The following SP100 variants were observed in gnomAD, a reference collection of about 807,000 sequenced individuals.
SP100 encodes the protein SP100 nuclear body protein, also known as nuclear autoantigen Sp-100.
A neutral mutation model predicts 130.0 loss-of-function variants in SP100; 84 were observed. The ratio of observed to expected loss-of-function variants is 0.65; its 90% CI spans 0.54 to 0.77. The LOEUF is 0.77. Ranked by LOEUF, SP100 falls within the 30% of genes least tolerant of loss-of-function variation. The probability of loss-of-function intolerance (pLI) is 0.00; values close to 1 mark genes in which losing one functional copy is unlikely to be tolerated. For synonymous variants in SP100, 331 were observed against 351.7 expected (o/e 0.94, Z 0.66); for missense variants, 978 against 1,052.2 (o/e 0.93, Z 0.97).
chr2:230,497,370 A>G (rs1202970010), intron 18 of SP100, among the ~76,000 whole-genome samples: 1 of 151,252 alleles, frequency 6.6e-6, no homozygotes, highest in African/African-American at 2.4e-5. Flanking sequence ...GCCAGGCCAT[A>G]TAAAGAAAGA....
intron 10 of SP100, 144 bp downstream of exon 10, chr2:230,462,662 G>T: frequency 1.5e-6 from 1 of 662,546 alleles, no homozygotes; most frequent in Non-Finnish European, 2.7e-6. Flanking sequence ...AATTTTACTT[G>T]ACCTTTTTGG....
At chr2:230,433,952 A>T (rs545562240) in intron 2 of SP100, among the ~76,000 whole-genome samples, 1 of 149,968 alleles carries the variant, frequency 6.7e-6, no homozygotes, top group Non-Finnish European at 1.5e-5. Context: ...CTTACTCAAA[A>T]TCTTGTTCTG....
chr2:230,518,878 T>A (rs7585005), intron 24 of SP100, among the ~76,000 whole-genome samples: 61,641 of 151,992 alleles, frequency 0.41, 13,888 homozygotes, highest in South Asian at 0.56. Context: ...AAAGATTTAT[T>A]CAAGTCATGT....
chr2:230,444,074 C>G (rs1258473115), intron 3 of SP100, 104 bp from the exon 4 acceptor site: 4 of 817,220 alleles, frequency 4.9e-6, no homozygotes, highest in Non-Finnish European at 7.5e-6. Flanking sequence ...ATGAAAATAC[C>G]TACGTAGAGA....
chr2:230,471,403 C>T (rs899741796), intron 15 of SP100, among the ~76,000 whole-genome samples: 2 of 152,134 alleles, frequency 1.3e-5, no homozygotes, highest in African/African-American at 2.4e-5. Flanking sequence ...CCCTGGTTTC[C>T]TCGTCACTGT....
chr2:230,545,431 G>A lies in SP100; in HGVS notation c.*2485G>A, dbSNP rs1331020694. Among the ~76,000 whole-genome samples the A allele has an allele frequency of 6.6e-6, 1 of 152,142 alleles. No homozygotes were observed. The highest frequency in any genetic ancestry group is 1.5e-5 in the Non-Finnish European group (1 of 68,026). On this transcript the variant is annotated 3_prime_UTR_variant, in exon 29 of 29. Coordinates refer to ENST00000340126, the MANE Select transcript of SP100 (RefSeq NM_001080391.2). ...CAGACACTAGGGTCTACTTGAGGGT[G>A]GAGGATGGGAAGAGGGAGAGGAGCA...
rs368410167 is a variant in SP100, at chr2:230,429,954, AG to A, written c.107+12290del. 5.9e-5 allele frequency among the ~76,000 whole-genome samples: 9 copies of A among 152,284 alleles called. No homozygotes were observed. In the East Asian group the frequency reaches 9.6e-4, roughly 16 times the overall value. The stretch of plus-strand genomic sequence containing the variant: ...CTGAATTATATGTCAGTAAGTTCAC[AG>A]ATTATTATTTCTTTAGAGTCAGTTA... On this transcript the variant is annotated intron_variant, in intron 2 of 28. Transcript: ENST00000340126.
intron 24 of SP100, among the ~76,000 whole-genome samples, chr2:230,511,696 A>T (rs1200442755): frequency 6.6e-6 from 1 of 152,052 alleles, no homozygotes; most frequent in African/African-American, 2.4e-5. Context: ...TGAAGCCCCT[A>T]TTGCCACTCT....
At chr2:230,527,248 A>G (rs796227690) in intron 24 of SP100, among the ~76,000 whole-genome samples, 11 of 152,342 alleles carry the variant, frequency 7.2e-5, no homozygotes, top group African/African-American at 2.6e-4. Context: ...TCTACAAGCC[A>G]GAAGACAGTG....
At chr2:230,537,958 G>T (rs1304211189) in intron 24 of SP100, 2 of 152,304 alleles carry the variant, frequency 1.3e-5, no homozygotes, top group African/African-American at 4.8e-5. Flanking sequence ...AGAGCCCAAG[G>T]CTGTATATTT....
chr2:230,447,037 C>T, intron 5 of SP100, 135 bp downstream of exon 5: 1 of 591,172 alleles, frequency 1.7e-6, no homozygotes, highest in South Asian at 2.0e-5. Context: ...AGCTTCTAAC[C>T]AGGTGCAGGG....
chr2:230,541,179 C>T (rs1692159150), intron 26 of SP100, 122 bp from the exon 27 acceptor site: 1 of 1,218,984 alleles, frequency 8.2e-7, no homozygotes, highest in Non-Finnish European at 1.2e-6. Flanking sequence ...AAAGAAACTC[C>T]CCATGCCATG....
At chr2:230,495,503 A>G (rs1348818783) in intron 18 of SP100, among the ~76,000 whole-genome samples, 1 of 152,090 alleles carries the variant, frequency 6.6e-6, no homozygotes, top group Admixed American at 6.6e-5. Flanking sequence ...TATTTTTAGT[A>G]AAGACAGGGT....
At chr2:230,426,337 TAAG>T (rs1044637011) in intron 2 of SP100, among the ~76,000 whole-genome samples, 2 of 152,176 alleles carry the variant, frequency 1.3e-5, no homozygotes, top group African/African-American at 4.8e-5. Context: ...CTAAATGGTT[TAAG>T]ATTTTTCTCC....
At chr2:230,449,348 T>C in intron 6 of SP100, 198 bp downstream of exon 6, 1 of 775,550 alleles carries the variant, frequency 1.3e-6, no homozygotes, top group Non-Finnish European at 2.3e-6. Context: ...CCACACCCCT[T>C]AATCACACTT....
intron 2 of SP100, among the ~76,000 whole-genome samples, chr2:230,439,107 T>A (rs1292009028): frequency 6.6e-6 from 1 of 152,176 alleles, no homozygotes; most frequent in Non-Finnish European, 1.5e-5. Flanking sequence ...TAATTAGTGA[T>A]GTTGAGAATT....
At chr2:230,434,929 C>G (rs925300744) in intron 2 of SP100, among the ~76,000 whole-genome samples, 5 of 152,218 alleles carry the variant, frequency 3.3e-5, no homozygotes, top group Non-Finnish European at 7.3e-5. Context: ...GTGTAAGGAT[C>G]TGGCTTTCAC....
At chr2:230,499,227 A>T (rs1025027922) in intron 19 of SP100, among the ~76,000 whole-genome samples, 1 of 151,746 alleles carries the variant, frequency 6.6e-6, no homozygotes, top group Non-Finnish European at 1.5e-5. Context: ...CCTCCACCAC[A>T]TAGAGGCTCT....
chr2:230,540,496 A>G (rs1692128105), intron 25 of SP100, among the ~76,000 whole-genome samples: 1 of 152,106 alleles, frequency 6.6e-6, no homozygotes, highest in South Asian at 2.1e-4. Context: ...TTGTTTTCTG[A>G]TTTTTCTGTG....
Sources: allele counts gnomAD v4.1 joint callset (sites outside exome capture counted in the v4.1 genomes callset), GRCh38; gene constraint gnomAD v4.1.1; transcripts MANE v1.5; gene names NCBI Gene and HGNC (gene_info 2026-07-23, HGNC 2026-07-21).